Variants in LSM12 observed in about 807,000 individuals in gnomAD.
The protein encoded by LSM12 is LSM12 homolog, also known as protein LSM12.
For missense variants in LSM12, 108 were observed against 238.9 expected (o/e 0.45, Z 3.61); for synonymous variants, 74 against 87.3 (o/e 0.85, Z 0.85).
At chr17:44,064,038 C>A (rs2049835220) in intron 1 of LSM12, 104 bp from the exon 2 acceptor site, 1 of 1,342,814 alleles carries the variant, frequency 7.4e-7, no homozygotes, top group East Asian at 2.4e-5. Context: ...TTGTAAAAGG[C>A]AGGCCAGGAG....
intron 2 of LSM12, among the ~76,000 whole-genome samples, chr17:44,046,567 G>A (rs938539840): frequency 1.3e-5 from 2 of 150,662 alleles, no homozygotes; most frequent in Non-Finnish European, 1.5e-5. Context: ...ATCAGCCGGG[G>A]ATGGTGGCGG....
At chr17:44,062,350 A>G (rs1486512225) in intron 2 of LSM12, among the ~76,000 whole-genome samples, 1 of 152,090 alleles carries the variant, frequency 6.6e-6, no homozygotes, top group East Asian at 1.9e-4. Context: ...TGATATGGTC[A>G]CCTTAACTGT....
intron 2 of LSM12, 143 bp from the exon 3 acceptor site, chr17:44,040,399 T>A (rs772817522): frequency 4.8e-6 from 3 of 627,630 alleles, no homozygotes; most frequent in Non-Finnish European, 8.3e-6. Context: ...GTGAAACAAA[T>A]TTTAAAAATC....
intron 2 of LSM12, among the ~76,000 whole-genome samples, chr17:44,060,583 T>C (rs1346769628): frequency 6.6e-6 from 1 of 152,236 alleles, no homozygotes; most frequent in Non-Finnish European, 1.5e-5. Flanking sequence ...TTTTAGTTTC[T>C]GACTCCTCTT....
intron 2 of LSM12, among the ~76,000 whole-genome samples, chr17:44,058,827 T>C (rs1029268990): frequency 6.6e-6 from 1 of 151,374 alleles, no homozygotes; most frequent in African/African-American, 2.4e-5. Flanking sequence ...AGGGCAAGAC[T>C]CCATCTCAAA....
rs1243867044 is a variant in LSM12, at chr17:44,066,613, G to A, written c.-26C>T. ...CTTGGGAGTGCAGCCGCGGCCGGCG[G>A]CGGCGGCGGCAGCAGCGGGCGAAAG... On this transcript the variant is annotated 5_prime_UTR_variant, in exon 1 of 5. Transcript: ENST00000293406. The A allele has an allele frequency of 3.0e-6, 4 of 1,325,970 alleles. No individual in the cohort carries two copies. Among genetic ancestry groups the A allele is most frequent in the Non-Finnish European group, 2.9e-6 (3 of 1,034,460 alleles). The allele number at this position is 1,325,970 out of a possible 1,614,324, so 82.1% of individuals were successfully genotyped here.
intron 2 of LSM12, among the ~76,000 whole-genome samples, chr17:44,050,510 CT>C (rs760817146): frequency 1.3e-5 from 2 of 151,174 alleles, no homozygotes; most frequent in Admixed American, 6.6e-5. Context: ...AAGCTTGTGC[CT>C]GAACATTTTT....
At chr17:44,039,839 G>A (rs1013192752) in intron 3 of LSM12, among the ~76,000 whole-genome samples, 5 of 152,312 alleles carry the variant, frequency 3.3e-5, no homozygotes, top group East Asian at 3.9e-4. Context: ...TCAAAGAGAA[G>A]AAATCACTAG....
At chr17:44,067,080 A>T (rs981181491), upstream of LSM12, among the ~76,000 whole-genome samples, 6 of 152,160 alleles carry the variant, frequency 3.9e-5, no homozygotes, top group African/African-American at 1.4e-4. Flanking sequence ...CGGGTGGATC[A>T]CCTGAGGTCA....
chr17:44,054,999 C>T (rs1203860901), intron 2 of LSM12, among the ~76,000 whole-genome samples: 1 of 151,882 alleles, frequency 6.6e-6, no homozygotes, highest in Non-Finnish European at 1.5e-5. Context: ...CCACCACGCC[C>T]GGCTAATTTT....
chr17:44,057,185 T>A (rs2049727135), intron 2 of LSM12, among the ~76,000 whole-genome samples: 1 of 147,404 alleles, frequency 6.8e-6, no homozygotes, highest in African/African-American at 2.5e-5. Flanking sequence ...AGTCTCGCTC[T>A]GTCTCCCAGG....
At chr17:44,066,215 T>A (rs1338727027) in intron 1 of LSM12, among the ~76,000 whole-genome samples, 2 of 92,940 alleles carry the variant, frequency 2.2e-5, no homozygotes, top group African/African-American at 8.6e-5. Context: ...TGTCAAGCCC[T>A]CCTCCACCCA....
chr17:44,066,874 G>A (rs1055690833), upstream of LSM12: 5 of 257,634 alleles, frequency 1.9e-5, no homozygotes, highest in Non-Finnish European at 3.6e-5. Flanking sequence ...AGGGGAAAGA[G>A]GAGGGAGCTG....
At chr17:44,055,706 T>C (rs1451335375) in intron 2 of LSM12, among the ~76,000 whole-genome samples, 2 of 144,870 alleles carry the variant, frequency 1.4e-5, no homozygotes, top group Non-Finnish European at 3.0e-5. Context: ...ATATATATAA[T>C]ATATAAAATA....
intron 2 of LSM12, among the ~76,000 whole-genome samples, chr17:44,051,814 A>C (rs1040204143): frequency 6.6e-6 from 1 of 152,102 alleles, no homozygotes. Flanking sequence ...GACTCTACCA[A>C]AAAAAATGTT....
chr17:44,040,250 T>G lies in LSM12; in HGVS notation c.265A>C (p.Ser89Arg), dbSNP rs770609435. 1 of 1,613,286 alleles carries G rather than the reference T, an allele frequency of 6.2e-7. No individual in the cohort carries two copies. The highest frequency in any genetic ancestry group is 1.7e-5 in the Admixed American group (1 of 60,016). ...LASLNVSKLA[S>R]KARTEKEEKL... ...TCCTCCTTCTCTGTCCGTGCTTTGC[T>G]GGCAAGCTAGGGTGGAAGAGAGGAA... Residue 89 changes from serine to arginine, a missense_variant, in exon 3 of 5, where the codon AGC becomes CGC. Physicochemically the swap from Ser to Arg is moderately radical, Grantham distance 110. Transcript: ENST00000293406.
intron 2 of LSM12, among the ~76,000 whole-genome samples, chr17:44,041,233 T>C (rs1284947269): frequency 6.8e-6 from 1 of 146,354 alleles, no homozygotes; most frequent in Non-Finnish European, 1.5e-5. Flanking sequence ...ATCATGCTAC[T>C]GTACTCCAGC....
intron 1 of LSM12, among the ~76,000 whole-genome samples, 192 bp downstream of exon 1, chr17:44,066,272 A>C (rs1384829191): frequency 1.3e-5 from 2 of 152,074 alleles, no homozygotes. Context: ...GAGAGACAGG[A>C]TCCCCAAAGC....
intron 3 of LSM12, among the ~76,000 whole-genome samples, chr17:44,038,397 C>A (rs1381584703): frequency 6.6e-6 from 1 of 151,432 alleles, no homozygotes; most frequent in African/African-American, 2.4e-5. Context: ...CAGTGGCTCA[C>A]GCCTGTAATC....
Sources: allele counts gnomAD v4.1 joint callset (sites outside exome capture counted in the v4.1 genomes callset), GRCh38; gene constraint gnomAD v4.1.1; transcripts MANE v1.5; gene names NCBI Gene and HGNC (gene_info 2026-07-23, HGNC 2026-07-21).